The following KBTBD12 variants were observed in gnomAD, a reference collection of about 807,000 sequenced individuals.
KBTBD12 encodes the protein kelch repeat and BTB domain containing 12.
In KBTBD12, 53 loss-of-function variants were observed where a neutral mutation model predicts 58.7. The observed-to-expected ratio is 0.90, with a 90% CI of 0.72 to 1.14. The LOEUF (loss-of-function observed/expected upper bound fraction) is 1.14. Ranked by LOEUF, KBTBD12 falls within the 50% of genes most tolerant of loss-of-function variation. The pLI is 0.00. For missense variants in KBTBD12, 704 were observed against 751.3 expected (o/e 0.94, Z 0.74); for synonymous variants, 236 against 259.8 (o/e 0.91, Z 0.88).
chr3:127,963,265 T>A lies in KBTBD12; in HGVS notation c.1569T>A (p.Asp523Glu). ...CLDVVEIYNPDGDFWREGPPM... is the reference protein window; with the variant it reads ...CLDVVEIYNPEGDFWREGPPM... The stretch of plus-strand genomic sequence containing the variant: ...ACGTGGTGGAGATCTACAACCCAGA[T>A]GGGGACTTTTGGCGAGAGGGCCCTC... Residue 523 changes from aspartate (D) to glutamate (E), a missense_variant, in exon 5 of 6, where the codon GAT (aspartate) becomes GAA (glutamate). Coordinates refer to ENST00000405109, the MANE Select transcript of KBTBD12 (RefSeq NM_207335.4). 1 of 1,612,534 alleles carries A rather than the reference T, an allele frequency of 6.2e-7. No homozygotes were observed. Among genetic ancestry groups the A allele is most frequent in the Non-Finnish European group, 8.5e-7 (1 of 1,179,368 alleles).
intron 5 of KBTBD12, among the ~76,000 whole-genome samples, chr3:127,964,124 A>G (rs1940512704): frequency 1.3e-5 from 2 of 152,196 alleles, no homozygotes; most frequent in African/African-American, 4.8e-5. Context: ...GATTAGTGGC[A>G]TAAGTAAATA....
chr3:127,924,358 A>G (rs1383913503), intron 2 of KBTBD12, among the ~76,000 whole-genome samples: 1 of 148,390 alleles, frequency 6.7e-6, no homozygotes. Context: ...CATATATAAA[A>G]ATATATAAAT....
intron 4 of KBTBD12, among the ~76,000 whole-genome samples, chr3:127,951,413 A>T (rs1200233824): frequency 6.6e-6 from 1 of 152,104 alleles, no homozygotes; most frequent in East Asian, 1.9e-4. Flanking sequence ...ATGTTTGTTC[A>T]TTGCTGAGGC....
At chr3:127,947,702 C>T (rs1322373534) in intron 4 of KBTBD12, among the ~76,000 whole-genome samples, 2 of 152,192 alleles carry the variant, frequency 1.3e-5, no homozygotes, top group Non-Finnish European at 2.9e-5. Flanking sequence ...TGAGGTTCCT[C>T]TGTGCAGATC....
At position 127,923,554 on chromosome 3, in the gene KBTBD12, T is replaced by A; in HGVS notation, c.493T>A (p.Leu165Ile). The A allele has an allele frequency of 6.2e-7, 1 of 1,613,184 alleles. No homozygotes were observed. Among genetic ancestry groups the A allele is most frequent in the Non-Finnish European group, 8.5e-7 (1 of 1,179,642 alleles). ...YLYQHFAEVS[L>I]HEEILEIEVH... is the part of the protein sequence containing the mutation. ...ATATCAGCACTTTGCCGAGGTGAGC[T>A]TACATGAAGAAATACTAGAAATCGA... The change falls in exon 2 of 6, where the codon TTA becomes ATA. Residue 165 changes from leucine (L) to isoleucine (I), a missense_variant. Coordinates refer to ENST00000405109, the MANE Select transcript of KBTBD12 (RefSeq NM_207335.4).
chr3:127,933,318 T>TA (rs1178843310), intron 4 of KBTBD12, among the ~76,000 whole-genome samples: 2 of 152,112 alleles, frequency 1.3e-5, no homozygotes, highest in African/African-American at 2.4e-5. Context: ...CTACAAAAAC[T>TA]AGCAGCTTTT....
chr3:127,980,845 A>G (rs1201992004), intron 5 of KBTBD12, among the ~76,000 whole-genome samples: 1 of 152,194 alleles, frequency 6.6e-6, no homozygotes, highest in Non-Finnish European at 1.5e-5. Context: ...TGATTTATAA[A>G]TTTAATAAAA....
intron 5 of KBTBD12, among the ~76,000 whole-genome samples, chr3:127,968,804 G>A (rs1432851350): frequency 6.6e-6 from 1 of 151,452 alleles, no homozygotes; most frequent in African/African-American, 2.4e-5. Flanking sequence ...AAAAGAAAAC[G>A]AATCAATGTA....
chr3:127,977,046 A>G (rs1940796173), intron 5 of KBTBD12, among the ~76,000 whole-genome samples: 1 of 152,038 alleles, frequency 6.6e-6, no homozygotes, highest in African/African-American at 2.4e-5. Flanking sequence ...CTTTGTGTAC[A>G]TGTGTACTCA....
In KBTBD12 at chr3:127,923,397, G is replaced by A. The variant is rs1461699878; in HGVS notation, c.336G>A (p.Gln112=). The part of the protein sequence containing the change: ...QTVAMAAYFM[Q]MEEVFSVCQK... ...TAGCTATGGCTGCCTATTTTATGCAGATGGAAGAAGTCTTCAGTGTGTGTC... is the reference window on the plus strand; with the variant it reads ...TAGCTATGGCTGCCTATTTTATGCAAATGGAAGAAGTCTTCAGTGTGTGTC... Residue 112 remains glutamine, a synonymous_variant, in exon 2 of 6, where the codon CAG becomes CAA. Coordinates refer to ENST00000405109, the MANE Select transcript of KBTBD12 (RefSeq NM_207335.4). The A allele has an allele frequency of 1.2e-6, 2 of 1,613,508 alleles. No homozygotes were observed. The highest frequency in any genetic ancestry group is 1.7e-5 in the Admixed American group (1 of 59,972).
Position 127,983,612 on chromosome 3 carries a change from G to A in KBTBD12, c.1691-485G>A, listed in dbSNP as rs1189730488. ...TACTAAAAATACAAAAATTAGCCAG[G>A]CATGGTGGCATGTGCCTGTAATCCC... On this transcript the variant is annotated intron_variant, in intron 5 of 5. Coordinates refer to ENST00000405109, the MANE Select transcript of KBTBD12 (RefSeq NM_207335.4). Among the ~76,000 whole-genome samples the A allele has an allele frequency of 2.6e-5, 4 of 152,280 alleles. No individual in the cohort carries two copies. The East Asian group carries it at 5.8e-4, about 22-fold the overall frequency.
intron 4 of KBTBD12, among the ~76,000 whole-genome samples, chr3:127,944,324 T>C (rs889867280): frequency 1.3e-5 from 2 of 152,240 alleles, no homozygotes; most frequent in African/African-American, 2.4e-5. Flanking sequence ...AAATATGGGA[T>C]ATGCTTCCAT....
chr3:127,949,470 G>A (rs901596690), intron 4 of KBTBD12, among the ~76,000 whole-genome samples: 1 of 152,150 alleles, frequency 6.6e-6, no homozygotes, highest in African/African-American at 2.4e-5. Context: ...TAAAAGATTA[G>A]TGCTTATTGA....
chr3:127,930,737 A>G (rs1403420706), intron 4 of KBTBD12, among the ~76,000 whole-genome samples: 1 of 152,188 alleles, frequency 6.6e-6, no homozygotes. Flanking sequence ...GAGAGGTGTT[A>G]TCAAACAATT....
intron 5 of KBTBD12, among the ~76,000 whole-genome samples, chr3:127,981,160 G>A (rs1434986375): frequency 6.6e-6 from 1 of 152,150 alleles, no homozygotes; most frequent in African/African-American, 2.4e-5. Flanking sequence ...CCTAAAAAAT[G>A]CACATAATCC....
At chr3:127,934,379 C>G (rs1939776169) in intron 4 of KBTBD12, among the ~76,000 whole-genome samples, 1 of 151,954 alleles carries the variant, frequency 6.6e-6, no homozygotes, top group Non-Finnish European at 1.5e-5. Flanking sequence ...AACTTGAAAT[C>G]TATAGAGATT....
chr3:127,982,822 G>A (rs1940896593), intron 5 of KBTBD12, among the ~76,000 whole-genome samples: 1 of 152,220 alleles, frequency 6.6e-6, no homozygotes, highest in South Asian at 2.1e-4. Context: ...GCCCCTTGCT[G>A]TGATTAGTGC....
Position 127,923,360 on chromosome 3 carries a change from A to C in KBTBD12, c.299A>C (p.Asn100Thr), listed in dbSNP as rs377332540. The change falls in exon 2 of 6, where the codon AAT (asparagine) becomes ACT (threonine). Residue 100 changes from asparagine to threonine, a missense_variant. Coordinates refer to ENST00000405109, the MANE Select transcript of KBTBD12 (RefSeq NM_207335.4). ...YNAALEINNA[N>T]VQTVAMAAYF... ...GCAGCTTTGGAGATCAATAATGCCAATGTACAGACTGTAGCTATGGCTGCC... is the reference window on the plus strand; with the variant it reads ...GCAGCTTTGGAGATCAATAATGCCACTGTACAGACTGTAGCTATGGCTGCC... 4.6e-5 allele frequency: 75 copies of C among 1,613,734 alleles called. No homozygotes were observed. Among genetic ancestry groups the C allele is most frequent in the Non-Finnish European group, 5.8e-5 (69 of 1,179,818 alleles).
rs769658218 is a variant in KBTBD12 at position 127,978,597 on chromosome 3, CAG to C, written c.1691-5499_1691-5498del. On this transcript the variant is annotated intron_variant, in intron 5 of 5. Transcript: ENST00000405109. ...AGGAAGAGGGCTCCTATGGGTCAGA[CAG>C]GGGGAATTTTTTCTTTCTTCTTTTT... 1.6e-4 allele frequency among the ~76,000 whole-genome samples: 25 copies of C among 152,296 alleles called. No homozygotes were observed. In the Middle Eastern group the frequency reaches 0.017, roughly 104 times the overall value.
Sources: gnomAD v4.1 joint callset for allele counts (sites outside exome capture counted in the v4.1 genomes callset) on GRCh38, gnomAD v4.1.1 for gene constraint, MANE v1.5 for transcripts, NCBI Gene and HGNC (gene_info 2026-07-23, HGNC 2026-07-21) for gene names.